The following FUS variants were observed in gnomAD, a reference collection of about 807,000 sequenced individuals.
The protein encoded by FUS is RNA-binding protein FUS.
In FUS, 5 loss-of-function variants were observed where a neutral mutation model predicts 82.7. The ratio of observed to expected loss-of-function variants is 0.06; its 90% CI spans 0.03 to 0.13. The LOEUF is 0.13. FUS is among the 10% of genes least tolerant of loss of function. The probability of loss-of-function intolerance (pLI) is 1.00; values close to 1 mark genes in which losing one functional copy is unlikely to be tolerated. For synonymous variants in FUS, 281 were observed against 247.4 expected, an observed-to-expected ratio of 1.14 and a Z score of -1.27; for missense variants, 512 against 707.8, an observed-to-expected ratio of 0.72 and a Z score of 3.14.
At chr16:31,194,517 G>T, downstream of FUS, 1 of 498,894 alleles carries the variant, frequency 2.0e-6, no homozygotes, top group Non-Finnish European at 3.9e-6. Context: ...AGGCTGGTCT[G>T]GTCTCAAAAC....
At chr16:31,194,697 AAT>A (rs1162043894), downstream of FUS, 1 of 486,832 alleles carries the variant, frequency 2.1e-6, no homozygotes, top group South Asian at 1.5e-5. Context: ...AAATCAGGCT[AAT>A]ATATCCATCA....
intron 8 of FUS, 197 bp from the exon 9 acceptor site, chr16:31,188,926 G>A (rs1567476031): frequency 1.6e-6 from 1 of 613,846 alleles, no homozygotes; most frequent in African/African-American, 1.8e-5. Context: ...TGTTTCAAAG[G>A]ATAATTGTCA....
chr16:31,189,307 A>G (rs1017637892), intron 9 of FUS, 81 bp downstream of exon 9: 11 of 1,078,636 alleles, frequency 1.0e-5, no homozygotes, highest in Non-Finnish European at 1.6e-5. Context: ...CAAGTCTTTA[A>G]TGGTTGCCAG....
Position 31,184,844 on chromosome 16 carries a change from C to T in FUS, c.524-95C>T, listed in dbSNP as rs2079238897. On this transcript the variant is annotated intron_variant, in intron 5 of 14. Coordinates refer to ENST00000254108, the MANE Select transcript of FUS (RefSeq NM_004960.4). ...TGTCTTTTTACTTTCTTTTGTCCTT[C>T]ATTGCCTGGCACTTGTCAAACCTTT... The T allele has an allele frequency of 3.2e-6, 4 of 1,256,538 alleles. No individual in the cohort carries two copies. The Admixed American group carries it at 5.4e-5, about 17-fold the overall frequency. 77.8% of individuals were successfully genotyped at this position (1,256,538 alleles called of 1,614,324 possible).
At chr16:31,189,832 T>C in intron 10 of FUS, 38 bp downstream of exon 10, 1 of 1,613,400 alleles carries the variant, frequency 6.2e-7, no homozygotes, top group Non-Finnish European at 8.5e-7. Flanking sequence ...GGGCTGGGGA[T>C]ATAGGGCAGC....
rs1325339011 is a variant in FUS, at chr16:31,184,366, A to G, written c.493A>G (p.Ser165Gly). Reference protein sequence around the residue: ...YGQQNQYNSSSGGGGGGGGGG... With the variant: ...YGQQNQYNSSGGGGGGGGGGG... ...ACAGCAGAACCAGTACAACAGCAGC[A>G]GTGGTGGTGGAGGTGGAGGTGGAGG... The change falls in exon 5 of 15, where the codon AGT becomes GGT. Residue 165 changes from serine to glycine, a missense_variant. Physicochemically the swap from Ser to Gly is moderately conservative, Grantham distance 56. Around this residue, in one of 6 missense-constraint regions of FUS, gnomAD observed 276 missense variants for 303.3 expected, o/e 0.91. Coordinates refer to ENST00000254108, the MANE Select transcript of FUS (RefSeq NM_004960.4). The G allele has an allele frequency of 1.1e-5, 17 of 1,612,920 alleles. No homozygotes were observed. The highest frequency in any genetic ancestry group is 1.7e-5 in the Admixed American group (1 of 59,976).
rs1341154895 is a variant in FUS at position 31,184,329 on chromosome 16, T to C, written c.456T>C (p.Pro152=). Residue 152 remains proline (P), a synonymous_variant, in exon 5 of 15, where the codon CCT becomes CCC. Transcript: ENST00000254108. ...GACAGCAGCAAAGCTATAATCCCCC[T>C]CAGGGCTATGGACAGCAGAACCAGT... ...SYGQQQSYNP[P]QGYGQQNQYN... is the part of the protein sequence containing the mutation. 1.9e-6 allele frequency: 3 copies of C among 1,613,902 alleles called. No homozygotes were observed. Among genetic ancestry groups the C allele is most frequent in the Non-Finnish European group, 2.5e-6 (3 of 1,180,010 alleles).
At chr16:31,193,422 A>G, downstream of FUS, 1 of 527,678 alleles carries the variant, frequency 1.9e-6, no homozygotes, top group East Asian at 4.0e-5. Context: ...TTTAGTTGAA[A>G]TGGCCTGATA....
downstream of FUS, chr16:31,193,241 C>T (rs16956408): frequency 0.024 from 12,321 of 503,226 alleles, 985 homozygotes; most frequent in African/African-American, 0.19. Flanking sequence ...AGGTTTACTT[C>T]CCCTGCCAGC....
At position 31,191,067 on chromosome 16, in the gene FUS, G is replaced by C; in HGVS notation, c.1498G>C (p.Gly500Arg). The C allele has an allele frequency of 6.2e-7, 1 of 1,613,270 alleles. No homozygotes were observed. Among genetic ancestry groups the C allele is most frequent in the Non-Finnish European group, 8.5e-7 (1 of 1,180,002 alleles). Residue 500 changes from glycine to arginine, a missense_variant, in exon 14 of 15, where the codon GGT becomes CGT. Transcript: ENST00000254108. ...DRGGFRGGRG[G>R]GDRGGFGPGK... The stretch of plus-strand genomic sequence containing the variant: ...TGGAGGCTTCCGAGGGGGCCGGGGT[G>C]GTGGGGACAGAGGTGGCTTTGGCCC...
chr16:31,191,531 A>G lies in FUS; in HGVS notation c.*93A>G, dbSNP rs1428779592. On this transcript the variant is annotated 3_prime_UTR_variant, in exon 15 of 15. Transcript: ENST00000254108. ...TAACCTTCCAATTCCTGATCACCCA[A>G]GGGTTTTTTTGTGTCGGACTATGTA... 1 of 1,405,348 alleles carries G rather than the reference A, an allele frequency of 7.1e-7. No homozygotes were observed. Among genetic ancestry groups the G allele is most frequent in the Non-Finnish European group, 1.0e-6 (1 of 993,522 alleles). 87.1% of individuals were successfully genotyped at this position (1,405,348 alleles called of 1,614,324 possible).
chr16:31,194,701 T>C (rs886051959), downstream of FUS: 3 of 486,496 alleles, frequency 6.2e-6, no homozygotes, highest in African/African-American at 5.9e-5. Context: ...CAGGCTAATA[T>C]ATCCATCACT....
intron 12 of FUS, 115 bp from the exon 13 acceptor site, chr16:31,190,627 C>T: frequency 4.1e-6 from 5 of 1,224,128 alleles, no homozygotes; most frequent in Non-Finnish European, 6.0e-6. Flanking sequence ...GCCGTTTTGT[C>T]TTTCTGAAGC....
intron 13 of FUS, 33 bp downstream of exon 13, chr16:31,190,875 G>A (rs948474396): frequency 6.2e-7 from 1 of 1,613,322 alleles, no homozygotes; most frequent in Admixed American, 1.7e-5. Context: ...TAGGGAGCTG[G>A]GACCAAAGAA....
At position 31,188,375 on chromosome 16, in the gene FUS, G is replaced by A; in HGVS notation, c.832+18G>A. On this transcript the variant is annotated intron_variant, in intron 8 of 14. Transcript: ENST00000254108. ...TGACTCCGGTGAGTTCACACGTGGT[G>A]GCATGAAAAGAGTGGCTAAAGTGGT... 1 of 1,613,432 alleles carries A rather than the reference G, an allele frequency of 6.2e-7. No individual in the cohort carries two copies. The highest frequency in any genetic ancestry group is 8.5e-7 in the Non-Finnish European group (1 of 1,179,672).
At chr16:31,183,793 A>T (rs2079216530) in intron 3 of FUS, 65 bp from the exon 4 acceptor site, 1 of 1,595,934 alleles carries the variant, frequency 6.3e-7, no homozygotes. Context: ...TGTTTTCTTT[A>T]ACCCATTCCT....
rs908193949 is a variant in FUS, at chr16:31,180,285, G to T, written c.13+58G>T. The T allele has an allele frequency of 2.5e-6, 4 of 1,575,792 alleles. No homozygotes were observed. In the East Asian group the frequency reaches 7.0e-5, roughly 27 times the overall value. On this transcript the variant is annotated intron_variant, in intron 1 of 14. Transcript: ENST00000254108. ...CACCCGGCCGAGGCCTCCCAGCTGG[G>T]CTTTTCGTTTTCAGTGGGACCGGGG...
chr16:31,192,272 C>G (rs2079372503), downstream of FUS: 3 of 525,952 alleles, frequency 5.7e-6, no homozygotes, highest in Non-Finnish European at 7.4e-6. Context: ...GAAGGCCCTC[C>G]TAAGGGAATG....
intron 8 of FUS, 83 bp downstream of exon 8, chr16:31,188,440 A>G: frequency 1.4e-6 from 2 of 1,459,774 alleles, no homozygotes; most frequent in Non-Finnish European, 1.9e-6. Context: ...TATTATAAAA[A>G]GGAAACTGAA....
Sources: gnomAD v4.1 joint callset for allele counts on GRCh38, gnomAD v4.1.1 for gene constraint, gnomAD v4.1.1 regional missense constraint, MANE v1.5 for transcripts, NCBI Gene and HGNC (gene_info 2026-07-23, HGNC 2026-07-21) for gene names.